Variants in ST6GAL1 observed in about 807,000 individuals in gnomAD.
The protein encoded by ST6GAL1 is beta-galactoside alpha-2,6-sialyltransferase 1.
Under a neutral mutation model 38.0 loss-of-function variants are expected in ST6GAL1, and 20 were observed. The observed-to-expected ratio is 0.53, with a 90% CI of 0.37 to 0.77. The LOEUF is 0.77. ST6GAL1 is among the 30% of genes least tolerant of loss of function. The pLI is 0.00. For missense variants in ST6GAL1, 432 were observed against 496.4 expected (o/e 0.87, Z 1.23); for synonymous variants, 196 against 188.2 (o/e 1.04, Z -0.34).
intron 2 of ST6GAL1, among the ~76,000 whole-genome samples, chr3:186,970,756 C>T (rs998911180): frequency 2.6e-5 from 4 of 151,930 alleles, no homozygotes; most frequent in South Asian, 4.2e-4. Context: ...GTTAAATTAC[C>T]GAATAGTATT....
At chr3:187,050,433 A>G (rs1382895402) in intron 4 of ST6GAL1, among the ~76,000 whole-genome samples, 3 of 152,174 alleles carry the variant, frequency 2.0e-5, no homozygotes, top group Non-Finnish European at 4.4e-5. Flanking sequence ...AAACAGTTGC[A>G]AAGACAAGGA....
At chr3:186,976,748 T>C (rs1715533964) in intron 2 of ST6GAL1, among the ~76,000 whole-genome samples, 1 of 152,176 alleles carries the variant, frequency 6.6e-6, no homozygotes, top group Non-Finnish European at 1.5e-5. Context: ...TATAAGACCC[T>C]TTCAAAGTAG....
chr3:186,971,283 GT>G (rs1560146421), intron 2 of ST6GAL1, among the ~76,000 whole-genome samples: 1 of 152,200 alleles, frequency 6.6e-6, no homozygotes, highest in African/African-American at 2.4e-5. Context: ...TAGAGACGGG[GT>G]TTTGCCATGT....
intron 1 of ST6GAL1, among the ~76,000 whole-genome samples, chr3:186,932,900 A>G (rs921311625): frequency 6.6e-6 from 1 of 152,188 alleles, no homozygotes; most frequent in Non-Finnish European, 1.5e-5. Context: ...GTTATCTCCT[A>G]GTTACACTTG....
chr3:186,933,433 G>T (rs561914340), intron 1 of ST6GAL1, among the ~76,000 whole-genome samples: 2 of 152,288 alleles, frequency 1.3e-5, no homozygotes, highest in South Asian at 4.1e-4. Context: ...TTGGTGTGGT[G>T]CACGAGCTCG....
chr3:187,051,416 C>A, intron 5 of ST6GAL1, 70 bp downstream of exon 5: 1 of 1,415,942 alleles, frequency 7.1e-7, no homozygotes, highest in Non-Finnish European at 9.9e-7. Flanking sequence ...TGGAATGTAT[C>A]TACTGGGAGC....
chr3:187,046,494 C>G (rs1419927386), intron 4 of ST6GAL1, among the ~76,000 whole-genome samples: 1 of 151,908 alleles, frequency 6.6e-6, no homozygotes, highest in Admixed American at 6.6e-5. Context: ...GGAAGAAGAC[C>G]AATTAGAAAA....
intron 5 of ST6GAL1, among the ~76,000 whole-genome samples, chr3:187,070,454 G>A (rs1364666380): frequency 1.5e-5 from 2 of 135,568 alleles, no homozygotes; most frequent in Non-Finnish European, 3.1e-5. Context: ...TCGAGATGGA[G>A]TCTCACTGTT....
intron 2 of ST6GAL1, among the ~76,000 whole-genome samples, chr3:186,985,298 C>T (rs773683027): frequency 2.7e-4 from 41 of 152,048 alleles, no homozygotes; most frequent in Non-Finnish European, 4.7e-4. Context: ...GTTATATTTA[C>T]GGCTCTTAGT....
intron 1 of ST6GAL1, among the ~76,000 whole-genome samples, chr3:186,953,314 T>A (rs949512100): frequency 7.9e-5 from 12 of 152,210 alleles, no homozygotes; most frequent in African/African-American, 2.9e-4. Context: ...CACCGCTTCA[T>A]TCTGCTTCAC....
At chr3:186,932,272 A>G (rs1319456719) in intron 1 of ST6GAL1, among the ~76,000 whole-genome samples, 3 of 152,158 alleles carry the variant, frequency 2.0e-5, no homozygotes, top group African/African-American at 7.2e-5. Context: ...GTCCAAGTTT[A>G]AACCGGGTGA....
Position 187,042,901 on chromosome 3 carries a change from C to A in ST6GAL1, c.198C>A (p.Ser66Arg). Residue 66 changes from serine to arginine, a missense_variant, in exon 4 of 8, where the codon AGC becomes AGA. By Grantham distance (110) the Ser-to-Arg change is moderately radical (BLOSUM62 -1). Transcript: ENST00000169298. ...MGSDSQSVSS[S>R]STQDPHRGRQ... ...CTGATTCCCAGTCTGTATCCTCAAG[C>A]AGCACCCAGGACCCCCACAGGGGCC... 6.2e-7 allele frequency: 1 copy of A among 1,614,188 alleles called. No homozygotes were observed. Among genetic ancestry groups the A allele is most frequent in the Non-Finnish European group, 8.5e-7 (1 of 1,180,028 alleles).
chr3:186,943,688 T>TC (rs1560136397), intron 1 of ST6GAL1, among the ~76,000 whole-genome samples: 1 of 152,164 alleles, frequency 6.6e-6, no homozygotes, highest in African/African-American at 2.4e-5. Flanking sequence ...GACCTCGTGA[T>TC]CCGCCCGCCT....
chr3:187,051,179 T>C, intron 4 of ST6GAL1, 70 bp from the exon 5 acceptor site: 45 of 1,227,916 alleles, frequency 3.7e-5, no homozygotes, highest in Middle Eastern at 2.0e-4. Flanking sequence ...CTCCCCCGCC[T>C]CTCGTCTTTC....
At chr3:186,991,743 G>A (rs1716175420) in intron 2 of ST6GAL1, among the ~76,000 whole-genome samples, 1 of 152,108 alleles carries the variant, frequency 6.6e-6, no homozygotes, top group Non-Finnish European at 1.5e-5. Context: ...TATTCACCTT[G>A]TCTCCTTTGC....
chr3:186,959,233 A>G (rs1033196408), intron 1 of ST6GAL1, among the ~76,000 whole-genome samples: 1 of 152,092 alleles, frequency 6.6e-6, no homozygotes, highest in African/African-American at 2.4e-5. Flanking sequence ...GAGCTCACCC[A>G]TGTACTCAGT....
intron 1 of ST6GAL1, among the ~76,000 whole-genome samples, chr3:186,936,955 A>G (rs1189983595): frequency 2.6e-5 from 4 of 151,080 alleles, no homozygotes; most frequent in Non-Finnish European, 5.9e-5. Flanking sequence ...AAAAAAAAAA[A>G]AAAAAAAGAA....
At position 187,076,120 on chromosome 3, in the gene ST6GAL1, G is replaced by T; in HGVS notation, c.*317G>T. The stretch of plus-strand genomic sequence containing the variant: ...TATCTCTCCCATCAGGGCTGCCAAA[G>T]CTGGGCTTTGTTTTTCCCAGCAGAA... On this transcript the variant is annotated 3_prime_UTR_variant, in exon 8 of 8. Transcript: ENST00000169298. 3.2e-6 allele frequency: 1 copy of T among 309,760 alleles called. No individual in the cohort carries two copies. Among genetic ancestry groups the T allele is most frequent in the Non-Finnish European group, 6.0e-6 (1 of 166,492 alleles). 19.2% of individuals were successfully genotyped at this position (309,760 alleles called of 1,614,324 possible).
intron 2 of ST6GAL1, among the ~76,000 whole-genome samples, chr3:186,988,686 G>C (rs1716043318): frequency 6.6e-6 from 1 of 151,938 alleles, no homozygotes; most frequent in African/African-American, 2.4e-5. Context: ...GCTGAGGTGG[G>C]GGGAATCACT....
Sources: allele counts gnomAD v4.1 joint callset (sites outside exome capture counted in the v4.1 genomes callset), GRCh38; gene constraint gnomAD v4.1.1; transcripts MANE v1.5; gene names NCBI Gene and HGNC (gene_info 2026-07-23, HGNC 2026-07-21).